The following USP11 variants were observed in gnomAD, a reference collection of about 807,000 sequenced individuals.
USP11 encodes ubiquitin carboxyl-terminal hydrolase 11.
Under a neutral mutation model 72.8 loss-of-function variants are expected in USP11, and 5 were observed. That is an observed-to-expected ratio of 0.07 (90% CI 0.04 to 0.14). USP11 has a LOEUF of 0.14. Among genes scored for constraint, USP11 ranks in the 10% least tolerant of loss-of-function variants. The probability of loss-of-function intolerance (pLI) is 1.00; values close to 1 mark genes in which losing one functional copy is unlikely to be tolerated. For synonymous variants in USP11, 368 were observed against 326.5 expected (o/e 1.13, Z -1.37); for missense variants, 480 against 794.7 (o/e 0.60, Z 4.76).
chrX:47,237,870 G>A (rs1160561034), intron 1 of USP11, among the ~76,000 whole-genome samples: 3 of 108,507 alleles, frequency 2.8e-5, no homozygotes, highest in Non-Finnish European at 5.7e-5. Flanking sequence ...TTATGTCCAA[G>A]TCCTGAAGTC....
rs995590900 is a variant in USP11, at chrX:47,247,295, C to T, written c.2421-9C>T. 1.7e-6 allele frequency: 2 copies of T among 1,209,415 alleles called. No homozygotes were observed. The highest frequency in any genetic ancestry group is 3.5e-5 in the African/African-American group (2 of 57,084). ...GGTGTACCAGTATTAACCCTCTCCCCACCCACAGGGACCTGGACTTCTCTG... is the reference window on the plus strand; with the variant it reads ...GGTGTACCAGTATTAACCCTCTCCCTACCCACAGGGACCTGGACTTCTCTG... On this transcript the variant is annotated splice_polypyrimidine_tract_variant and intron_variant, in intron 18 of 20. Transcript: ENST00000377107.
chrX:47,241,687 G>A lies in USP11; in HGVS notation c.1167G>A (p.Gly389=), dbSNP rs751566291. 36 of 1,192,099 alleles carry A rather than the reference G, an allele frequency of 3.0e-5. No individual in the cohort carries two copies. In the South Asian group the frequency reaches 5.1e-4, roughly 17 times the overall value. Residue 389 remains glycine, a synonymous_variant, in exon 9 of 21, where the codon GGG becomes GGA. Coordinates refer to ENST00000377107, the MANE Select transcript of USP11 (RefSeq NM_001371072.1). ...KEYVELCDAA[G]RPDQEVAQEA... Reference sequence around the variant, plus strand: ...ATGTGGAGCTGTGCGATGCTGCTGGGCGACCGGATCAGGTAGGCTGCCCCC... The same window carrying A: ...ATGTGGAGCTGTGCGATGCTGCTGGACGACCGGATCAGGTAGGCTGCCCCC...
In USP11 at chrX:47,247,383, G is replaced by A; in HGVS notation, c.2500G>A (p.Val834Ile). 2.5e-6 allele frequency: 3 copies of A among 1,211,396 alleles called. No homozygotes were observed. In the South Asian group the frequency reaches 5.3e-5, roughly 21 times the overall value. Residue 834 changes from valine to isoleucine, a missense_variant, in exon 19 of 21, where the codon GTT (valine) becomes ATT (isoleucine). Physicochemically the swap from Val to Ile is conservative, Grantham distance 29. Around this residue, in one of 5 missense-constraint regions of USP11, gnomAD observed 314 missense variants for 556.0 expected, o/e 0.56. Coordinates refer to ENST00000377107, the MANE Select transcript of USP11 (RefSeq NM_001371072.1). Reference protein sequence around the residue: ...PELYKYDLIAVSNHYGGMRDG... With the variant: ...PELYKYDLIAISNHYGGMRDG... Reference sequence around the variant, plus strand: ...GCTGTACAAATATGACCTCATCGCGGTTTCCAACCATTATGGGGGCATGCG... The same window carrying A: ...GCTGTACAAATATGACCTCATCGCGATTTCCAACCATTATGGGGGCATGCG...
chrX:47,243,899 CT>C (rs752430196), intron 13 of USP11, among the ~76,000 whole-genome samples: 5 of 110,872 alleles, frequency 4.5e-5, no homozygotes, highest in Non-Finnish European at 7.6e-5. Context: ...GTTTTTTTGT[CT>C]TTTTGCTGAC....
In USP11 at chrX:47,240,287, C is replaced by T. The variant is rs762726238; in HGVS notation, c.536-18C>T. The T allele has an allele frequency of 8.3e-7, 1 of 1,207,172 alleles. No homozygotes were observed. The highest frequency in any genetic ancestry group is 1.1e-6 in the Non-Finnish European group (1 of 892,937). ...GGGTCTCACAAAGATCTTGAATGTA[C>T]TCCATCACCCCGCACAGGCCTAGTA... On this transcript the variant is annotated intron_variant, in intron 4 of 20. Coordinates refer to ENST00000377107, the MANE Select transcript of USP11 (RefSeq NM_001371072.1).
intron 3 of USP11, 112 bp downstream of exon 3, chrX:47,239,593 C>T (rs979830217): frequency 1.8e-6 from 2 of 1,083,685 alleles, no homozygotes; most frequent in South Asian, 2.1e-5. Flanking sequence ...TGTCTGCTCT[C>T]TTCCCCCTCC....
intron 1 of USP11, chrX:47,233,541 CT>C: frequency 1.1e-6 from 1 of 910,685 alleles, no homozygotes; most frequent in Middle Eastern, 5.0e-4. Flanking sequence ...AAGGTGGGTT[CT>C]GCTACATAAG....
At chrX:47,239,616 C>T in intron 3 of USP11, 135 bp downstream of exon 3, 1 of 1,036,305 alleles carries the variant, frequency 9.6e-7, no homozygotes. Context: ...GCTCATCATA[C>T]AGGTATCTTT....
intron 1 of USP11, among the ~76,000 whole-genome samples, chrX:47,238,511 T>TTC (rs397714775): frequency 3.8e-5 from 4 of 104,303 alleles, no homozygotes; most frequent in South Asian, 8.2e-4. Context: ...TTTTTTTTTT[T>TTC]CAGTATGCAG....
intron 17 of USP11, among the ~76,000 whole-genome samples, chrX:47,246,629 C>G (rs1182835526): frequency 3.6e-5 from 4 of 110,755 alleles, no homozygotes; most frequent in Non-Finnish European, 7.6e-5. Flanking sequence ...ACAGAGCAAA[C>G]TAGAATACTA....
chrX:47,244,390 G>A, intron 13 of USP11, 108 bp from the exon 14 acceptor site: 1 of 938,925 alleles, frequency 1.1e-6, no homozygotes, highest in East Asian at 3.2e-5. Flanking sequence ...ATTCAGAACG[G>A]TTTACATGTG....
At chrX:47,241,471 C>T in intron 8 of USP11, 21 bp downstream of exon 8, 1 of 1,192,784 alleles carries the variant, frequency 8.4e-7, no homozygotes, top group Non-Finnish European at 1.1e-6. Flanking sequence ...ACCCTGGGCA[C>T]CCCCGACCCC....
chrX:47,247,670 G>A lies in USP11; in HGVS notation c.2596G>A (p.Val866Ile), dbSNP rs1320220876. Residue 866 changes from valine to isoleucine, a missense_variant, in exon 20 of 21, where the codon GTC (valine) becomes ATC (isoleucine). This residue lies in a region of USP11 where 314 missense variants were observed against 556.0 expected (regional missense o/e 0.56). Transcript: ENST00000377107. ...GQWHYFDDNS[V>I]SPVNENQIES... The stretch of plus-strand genomic sequence containing the variant: ...GTGGCACTACTTTGATGACAACAGC[G>A]TCTCCCCTGTCAATGAGAATCAGAT... The A allele has an allele frequency of 5.0e-6, 6 of 1,208,585 alleles. No homozygotes were observed. The highest frequency in any genetic ancestry group is 4.4e-5 in the Admixed American group (2 of 45,595).
At chrX:47,239,598 C>T in intron 3 of USP11, 117 bp downstream of exon 3, 2 of 1,073,207 alleles carry the variant, frequency 1.9e-6, no homozygotes, top group Non-Finnish European at 2.5e-6. Context: ...GCTCTCTTCC[C>T]CCTCCTAGCT....
At chrX:47,234,057 CCTT>C (rs1025778927) in intron 1 of USP11, 3 of 111,862 alleles carry the variant, frequency 2.7e-5, no homozygotes, top group East Asian at 2.8e-4. Flanking sequence ...GCTAAACAGT[CCTT>C]CTTGAAATTT....
Position 47,242,971 on chromosome X carries a change from A to G in USP11, c.1583+251A>G, listed in dbSNP as rs897506523. ...GGCGACAGGGCAAAACTCCATCTCAAAAATAAATAAAGCCGGGCGCGGTGG... is the reference window on the plus strand; with the variant it reads ...GGCGACAGGGCAAAACTCCATCTCAGAAATAAATAAAGCCGGGCGCGGTGG... On this transcript the variant is annotated intron_variant, in intron 12 of 20. Transcript: ENST00000377107. Among the ~76,000 whole-genome samples the G allele has an allele frequency of 2.7e-5, 3 of 111,688 alleles. No homozygotes were observed. The Admixed American group carries it at 2.8e-4, about 11-fold the overall frequency.
intron 19 of USP11, 47 bp from the exon 20 acceptor site, chrX:47,247,564 C>A (rs373240511): frequency 3.4e-5 from 40 of 1,193,156 alleles, no homozygotes; most frequent in Non-Finnish European, 4.4e-5. Context: ...CTGGACACTT[C>A]TGAGAGGCAG....
intron 12 of USP11, among the ~76,000 whole-genome samples, chrX:47,243,139 T>G (rs905846819): frequency 4.5e-5 from 5 of 111,295 alleles, no homozygotes; most frequent in African/African-American, 1.6e-4. Context: ...GGCAGGTGCC[T>G]GTAGTCCCAG....
At chrX:47,245,544 C>CT (rs749492953) in intron 17 of USP11, 62 bp downstream of exon 17, 18,962 of 517,024 alleles carry the variant, frequency 0.037, 1 homozygote, top group Non-Finnish European at 0.04. Flanking sequence ...CTATATTTAG[C>CT]TTTTTTTTTT....
Sources: gnomAD v4.1 joint callset for allele counts (sites outside exome capture counted in the v4.1 genomes callset) on GRCh38, gnomAD v4.1.1 for gene constraint, gnomAD v4.1.1 regional missense constraint, MANE v1.5 for transcripts, NCBI Gene and HGNC (gene_info 2026-07-23, HGNC 2026-07-21) for gene names.